Variants in SAMD5 observed in about 807,000 individuals in gnomAD.
The protein encoded by SAMD5 is sterile alpha motif domain-containing protein 5.
In SAMD5, 13 loss-of-function variants were observed where a neutral mutation model predicts 11.3. That is an observed-to-expected ratio of 1.15 (90% CI 0.75 to 1.83). The LOEUF is 1.83. SAMD5 is among the 40% of genes most tolerant of loss of function. The pLI, the probability that SAMD5 is intolerant of heterozygous loss-of-function variation, is 0.00. For missense variants in SAMD5, 255 were observed against 239.1 expected (o/e 1.07, Z -0.44); for synonymous variants, 129 against 111.3 (o/e 1.16, Z -1.00).
intron 1 of SAMD5, among the ~76,000 whole-genome samples, chr6:147,578,181 T>A (rs189351307): frequency 1.3e-5 from 2 of 152,324 alleles, no homozygotes; most frequent in African/African-American, 2.4e-5. Context: ...CTCTACTTTA[T>A]AAATTTTTTG....
the SAMD5 span, among the ~76,000 whole-genome samples, chr6:147,746,901 G>A: frequency 6.6e-6 from 1 of 152,210 alleles, no homozygotes; most frequent in Non-Finnish European, 1.5e-5. Flanking sequence ...ATGGGGTTGA[G>A]ACTAGGTCAT....
At chr6:147,588,673 T>G (rs56347816) in intron 1 of SAMD5, among the ~76,000 whole-genome samples, 15,488 of 152,134 alleles carry the variant, frequency 0.1, 988 homozygotes, top group Middle Eastern at 0.15. Flanking sequence ...AAATGTGTTT[T>G]TTTTTACTCT....
Position 147,689,948 on chromosome 6 carries a change from A to G in SAMD5, c.163-47369A>G, listed in dbSNP as rs1220730750. Among the ~76,000 whole-genome samples, 4 of 152,334 alleles carry G rather than the reference A, an allele frequency of 2.6e-5. No homozygotes were observed. In the South Asian group the frequency reaches 6.2e-4, roughly 24 times the overall value. ...AGTGTTATTTTGGAAAAAAATTTCA[A>G]AGAGAATTCTGTTTCCTTGACGGTT... is the stretch of plus-strand genomic sequence containing the variant. On this transcript the variant is annotated intron_variant, in intron 1 of 1. Transcript: ENST00000566741.
chr6:147,533,095 G>A (rs961816551), intron 1 of SAMD5, among the ~76,000 whole-genome samples: 1 of 152,052 alleles, frequency 6.6e-6, no homozygotes, highest in Non-Finnish European at 1.5e-5. Flanking sequence ...GGGGGCTGGC[G>A]GTGCCAGCAG....
intron 1 of SAMD5, among the ~76,000 whole-genome samples, chr6:147,541,210 A>G (rs1788598859): frequency 6.6e-6 from 1 of 152,014 alleles, no homozygotes; most frequent in Admixed American, 6.6e-5. Context: ...TCAGTCCCCC[A>G]AAGAGCTGGG....
chr6:147,838,787 A>G, the SAMD5 span, among the ~76,000 whole-genome samples: 2 of 152,134 alleles, frequency 1.3e-5, no homozygotes, highest in African/African-American at 4.8e-5. Flanking sequence ...AGGCATACTC[A>G]CTTGTTGGGG....
rs1256394985 is a variant in SAMD5, at chr6:147,564,651, A to G, written c.*195A>G. On this transcript the variant is annotated 3_prime_UTR_variant, in exon 2 of 2. Transcript: ENST00000367474. ...AACTGGCTTATAACAGCTAGAAATAAGGCAGTGAACTATCACGCATAAAGA... is the reference window on the plus strand; with the variant it reads ...AACTGGCTTATAACAGCTAGAAATAGGGCAGTGAACTATCACGCATAAAGA... The G allele has an allele frequency of 7.3e-7, 1 of 1,370,278 alleles. No individual in the cohort carries two copies. The allele number at this position is 1,370,278 out of a possible 1,614,324, so 84.9% of individuals were successfully genotyped here. A position where few individuals can be genotyped will look rare whatever the true frequency, so the allele number is the denominator to read the frequency against.
Position 147,554,452 on chromosome 6 carries a change from T to C in SAMD5, c.460-9942T>C, listed in dbSNP as rs558386643. Among the ~76,000 whole-genome samples the C allele has an allele frequency of 9.2e-5, 14 of 152,304 alleles. No individual in the cohort carries two copies. The South Asian group carries it at 2.9e-3, about 32-fold the overall frequency. On this transcript the variant is annotated intron_variant, in intron 1 of 1. Coordinates refer to ENST00000367474, the MANE Select transcript of SAMD5 (RefSeq NM_001030060.3). Reference sequence around the variant, plus strand: ...CCAGTGGAGGCCAGGCTTCAGTGTTTGGGGAACTGAGCTTGGTTGCCAGGA... The same window carrying C: ...CCAGTGGAGGCCAGGCTTCAGTGTTCGGGGAACTGAGCTTGGTTGCCAGGA...
At chr6:147,790,770 T>TTCTCTCTCTCTCTCTCTCTCTCTCTCTC in the SAMD5 span, among the ~76,000 whole-genome samples, 1 of 88,260 alleles carries the variant, frequency 1.1e-5, no homozygotes, top group African/African-American at 3.9e-5. Flanking sequence ...CTCTCTCTCT[T>TTCTCTCTCTCTCTCTCTCTCTCTCTCTC]TCTCTCTCTC....
chr6:147,774,243 G>T, the SAMD5 span, among the ~76,000 whole-genome samples: 1 of 152,132 alleles, frequency 6.6e-6, no homozygotes, highest in Non-Finnish European at 1.5e-5. Context: ...TGGCCTGGTA[G>T]GGTTAGGATT....
intron 1 of SAMD5, among the ~76,000 whole-genome samples, chr6:147,609,203 A>T (rs1789745402): frequency 6.6e-6 from 1 of 152,218 alleles, no homozygotes; most frequent in African/African-American, 2.4e-5. Context: ...AAACAAGGCC[A>T]TTAGAGTGGG....
intron 1 of SAMD5, among the ~76,000 whole-genome samples, chr6:147,616,144 ATATATT>A (rs1173826671): frequency 7.1e-6 from 1 of 140,096 alleles, no homozygotes; most frequent in African/African-American, 2.5e-5. Flanking sequence ...TATATTTCAT[ATATATT>A]TATTCATATA....
the SAMD5 span, among the ~76,000 whole-genome samples, chr6:147,889,350 C>A: frequency 1.8e-4 from 28 of 152,122 alleles, no homozygotes; most frequent in African/African-American, 6.5e-4. Context: ...TCCTCCCATG[C>A]CTCTATTTAA....
chr6:147,935,615 GA>G, the SAMD5 span, among the ~76,000 whole-genome samples: 15 of 141,008 alleles, frequency 1.1e-4, no homozygotes, highest in African/African-American at 4.0e-4. Context: ...GGTTTTTTAA[GA>G]AAAAAAGAAT....
intron 1 of SAMD5, among the ~76,000 whole-genome samples, chr6:147,617,463 T>C (rs973941105): frequency 6.6e-6 from 1 of 152,232 alleles, no homozygotes; most frequent in Non-Finnish European, 1.5e-5. Flanking sequence ...AATTATGCCA[T>C]TTCCATCTTC....
At chr6:147,814,388 C>T in the SAMD5 span, among the ~76,000 whole-genome samples, 2 of 152,180 alleles carry the variant, frequency 1.3e-5, no homozygotes, top group African/African-American at 2.4e-5. Context: ...ATACATATTA[C>T]AGGTATACAA....
chr6:147,533,576 GGA>G (rs932357172), intron 1 of SAMD5, among the ~76,000 whole-genome samples: 5 of 152,238 alleles, frequency 3.3e-5, no homozygotes, highest in Admixed American at 6.5e-5. Context: ...AAGACAGCGA[GGA>G]GAGAGTCACC....
intron 1 of SAMD5, among the ~76,000 whole-genome samples, chr6:147,731,872 T>G (rs1030324917): frequency 3.3e-5 from 5 of 152,112 alleles, no homozygotes; most frequent in Admixed American, 1.3e-4. Context: ...CAGCAGCATG[T>G]TAAGGGGCAA....
chr6:147,848,849 A>G, the SAMD5 span, among the ~76,000 whole-genome samples: 1 of 152,190 alleles, frequency 6.6e-6, no homozygotes, highest in Non-Finnish European at 1.5e-5. Flanking sequence ...TTTCGTTTTC[A>G]TCTATCATGC....
Sources: allele counts gnomAD v4.1 joint callset (sites outside exome capture counted in the v4.1 genomes callset), GRCh38; gene constraint gnomAD v4.1.1; transcripts MANE v1.5; gene names NCBI Gene and HGNC (gene_info 2026-07-23, HGNC 2026-07-21).